Variants in CBFA2T2 observed in about 807,000 individuals in gnomAD.
CBFA2T2 encodes the protein CBFA2/RUNX1 partner transcriptional co-repressor 2, also known as protein CBFA2T2.
CBFA2T2 carries 11 observed loss-of-function variants against 62.2 expected under a neutral mutation model. The observed-to-expected ratio is 0.18, with a 90% confidence interval of 0.11 to 0.29. The LOEUF is 0.29. Ranked by LOEUF, CBFA2T2 falls within the 10% of genes least tolerant of loss-of-function variation. The probability of loss-of-function intolerance (pLI) is 1.00; values close to 1 mark genes in which losing one functional copy is unlikely to be tolerated. For missense variants in CBFA2T2, 592 were observed against 774.1 expected (o/e 0.76, Z 2.79); for synonymous variants, 295 against 287.5 (o/e 1.03, Z -0.27).
chr20:33,497,107 C>T (rs1365858191), intron 1 of CBFA2T2, among the ~76,000 whole-genome samples: 1 of 151,872 alleles, frequency 6.6e-6, no homozygotes, highest in Non-Finnish European at 1.5e-5. Context: ...AACCATGTCT[C>T]TACTAAAAAT....
At chr20:33,585,694 A>G (rs2014332524) in intron 1 of CBFA2T2, among the ~76,000 whole-genome samples, 1 of 152,232 alleles carries the variant, frequency 6.6e-6, no homozygotes. Flanking sequence ...ACCTTGAAAT[A>G]CATTTATTTC....
chr20:33,618,173 C>CT (rs58066954), intron 3 of CBFA2T2, among the ~76,000 whole-genome samples: 29,168 of 138,270 alleles, frequency 0.21, 3,520 homozygotes, highest in East Asian at 0.45. Context: ...ATATATTTTC[C>CT]TTTTTTTTTT....
Position 33,545,975 on chromosome 20 carries a change from T to A in CBFA2T2, c.34+55674T>A, listed in dbSNP as rs181618187. The stretch of plus-strand genomic sequence containing the variant: ...ATCTGTCATGTGCCAGTTTAAATAA[T>A]GAAAGCATTACTGTAGTAGGATGTT... On this transcript the variant is annotated intron_variant, in intron 1 of 10. Coordinates refer to ENST00000342704, the MANE Select transcript of CBFA2T2 (RefSeq NM_001032999.3). Among the ~76,000 whole-genome samples, 56 of 152,332 alleles carry A rather than the reference T, an allele frequency of 3.7e-4. 1 individual carries two copies. In the East Asian group the frequency reaches 4.2e-3, roughly 12 times the overall value.
At chr20:33,605,183 G>A (rs1016938119) in intron 1 of CBFA2T2, among the ~76,000 whole-genome samples, 1 of 152,186 alleles carries the variant, frequency 6.6e-6, no homozygotes, top group African/African-American at 2.4e-5. Flanking sequence ...AAATACCATT[G>A]TGTCCCATCA....
At chr20:33,563,205 T>C (rs796452808) in intron 1 of CBFA2T2, among the ~76,000 whole-genome samples, 10 of 152,332 alleles carry the variant, frequency 6.6e-5, no homozygotes, top group African/African-American at 2.2e-4. Flanking sequence ...TCCTATGCTG[T>C]TTTCTTCTGT....
At chr20:33,629,244 T>C (rs1339181873) in intron 7 of CBFA2T2, among the ~76,000 whole-genome samples, 1 of 152,216 alleles carries the variant, frequency 6.6e-6, no homozygotes, top group East Asian at 1.9e-4. Context: ...GTAACAAACT[T>C]CTAGGTAATT....
chr20:33,632,658 C>T (rs2016495190), intron 8 of CBFA2T2, among the ~76,000 whole-genome samples: 1 of 150,804 alleles, frequency 6.6e-6, no homozygotes. Context: ...TCAGTAGAGA[C>T]GGCTGGTCTT....
At position 33,619,581 on chromosome 20, in the gene CBFA2T2, G is replaced by A. The variant is rs2015854435; in HGVS notation, c.485G>A (p.Arg162His). The A allele has an allele frequency of 1.2e-6, 2 of 1,605,346 alleles. No homozygotes were observed. The highest frequency in any genetic ancestry group is 1.1e-5 in the South Asian group (1 of 89,908). Residue 162 changes from arginine to histidine, a missense_variant, in exon 4 of 11, where the codon CGT becomes CAT. Arg to His is a conservative substitution (Grantham distance 29). Around this residue, in one of 3 missense-constraint regions of CBFA2T2, gnomAD observed 449 missense variants for 551.2 expected, o/e 0.81. Coordinates refer to ENST00000342704, the MANE Select transcript of CBFA2T2 (RefSeq NM_001032999.3). ...CAAGAAGCCACAAACTTTCCCCTTC[G>A]TCCTTTTGTGATTCCATTTCTCAAG... ...KLQEATNFPL[R>H]PFVIPFLKAN...
intron 3 of CBFA2T2, among the ~76,000 whole-genome samples, chr20:33,616,168 T>G (rs1008974312): frequency 6.6e-6 from 1 of 152,162 alleles, no homozygotes; most frequent in Non-Finnish European, 1.5e-5. Flanking sequence ...GATATAGATA[T>G]AGATACATAC....
intron 1 of CBFA2T2, among the ~76,000 whole-genome samples, chr20:33,517,892 C>T (rs971828670): frequency 6.6e-6 from 1 of 151,924 alleles, no homozygotes; most frequent in African/African-American, 2.4e-5. Context: ...GATCCACCCG[C>T]CTCGGCCTCC....
intron 1 of CBFA2T2, among the ~76,000 whole-genome samples, chr20:33,555,694 G>C (rs192692131): frequency 6.6e-6 from 1 of 152,284 alleles, no homozygotes; most frequent in East Asian, 1.9e-4. Context: ...ATCAGAAAAT[G>C]TAATAATGAT....
Position 33,490,187 on chromosome 20 carries a change from C to T in CBFA2T2, c.-81C>T, listed in dbSNP as rs1216508282. On this transcript the variant is annotated 5_prime_UTR_variant, in exon 1 of 11. Coordinates refer to ENST00000342704, the MANE Select transcript of CBFA2T2 (RefSeq NM_001032999.3). ...CGGCGACGCCTGCGAGGGACCCGGG[C>T]CGCGGGTCGAGGCGGGCGGCGCCTG... is the stretch of plus-strand genomic sequence containing the variant. 1.5e-3 allele frequency: 1,746 copies of T among 1,190,502 alleles called. 13 individuals are homozygous for T. Among genetic ancestry groups the T allele is most frequent in the Middle Eastern group, 0.011 (32 of 3,028 alleles). The allele number at this position is 1,190,502 out of a possible 1,614,324, so 73.7% of individuals were successfully genotyped here.
chr20:33,494,274 T>TATATATATATATATATA (rs1267232226), intron 1 of CBFA2T2, among the ~76,000 whole-genome samples: 1 of 26,366 alleles, frequency 3.8e-5, no homozygotes, highest in Admixed American at 5.5e-4. Context: ...TATATATATA[T>TATATATATATATATATA]TTTTTTTTTT....
At chr20:33,581,599 A>G (rs1421328827) in intron 1 of CBFA2T2, among the ~76,000 whole-genome samples, 1 of 152,182 alleles carries the variant, frequency 6.6e-6, no homozygotes, top group Non-Finnish European at 1.5e-5. Context: ...TGGCAATGGT[A>G]TCAACAGCTG....
rs373977334 is a variant in CBFA2T2 at position 33,552,097 on chromosome 20, A to G, written c.35-54859A>G. ...CTGGTTTTTTTTTTTTTTTAAGTTG[A>G]CAAAATTTTTTCCAAGCTTTGTAAT... On this transcript the variant is annotated intron_variant, in intron 1 of 10. Transcript: ENST00000342704. 4.1e-4 allele frequency among the ~76,000 whole-genome samples: 61 copies of G among 149,216 alleles called. No homozygotes were observed. The South Asian group carries it at 4.8e-3, about 12-fold the overall frequency.
intron 8 of CBFA2T2, among the ~76,000 whole-genome samples, chr20:33,636,258 C>CAAA (rs34178424): frequency 2.1e-4 from 16 of 75,078 alleles, no homozygotes; most frequent in African/African-American, 5.8e-4. Context: ...GACTCCGTCT[C>CAAA]AAAAAAAAAA....
intron 1 of CBFA2T2, among the ~76,000 whole-genome samples, chr20:33,500,329 T>C (rs2011257990): frequency 6.6e-6 from 1 of 152,066 alleles, no homozygotes. Context: ...ACATGTGTTC[T>C]ACAGGAGCCC....
chr20:33,640,742 C>T (rs1026745101), intron 10 of CBFA2T2, among the ~76,000 whole-genome samples: 2 of 151,578 alleles, frequency 1.3e-5, no homozygotes, highest in Non-Finnish European at 2.9e-5. Context: ...TTTTTACATA[C>T]ATACATATAT....
At chr20:33,595,548 T>G (rs930007730) in intron 1 of CBFA2T2, among the ~76,000 whole-genome samples, 4 of 151,722 alleles carry the variant, frequency 2.6e-5, no homozygotes, top group African/African-American at 9.7e-5. Flanking sequence ...AATTTTCATT[T>G]TTTTTTTAAT....
Sources: allele counts gnomAD v4.1 joint callset (sites outside exome capture counted in the v4.1 genomes callset), GRCh38; gene constraint gnomAD v4.1.1; regional missense constraint gnomAD v4.1.1; transcripts MANE v1.5; gene names NCBI Gene and HGNC (gene_info 2026-07-23, HGNC 2026-07-21).